MON1A: variants seen among roughly 807,000 people sequenced by gnomAD.
MON1A encodes vacuolar fusion protein MON1 homolog A.
A neutral mutation model predicts 44.6 loss-of-function variants in MON1A; 29 were observed. The ratio of observed to expected loss-of-function variants is 0.65; its 90% CI spans 0.48 to 0.89. The LOEUF (loss-of-function observed/expected upper bound fraction) is 0.89. MON1A is among the 40% of genes least tolerant of loss of function. The pLI, the probability that MON1A is intolerant of heterozygous loss-of-function variation, is 0.00. For synonymous variants in MON1A, 275 were observed against 316.4 expected (o/e 0.87, Z 1.39); for missense variants, 615 against 759.6 (o/e 0.81, Z 2.24).
chr3:49,924,604 G>C (rs904526097), intron 1 of MON1A: 1 of 206,994 alleles, frequency 4.8e-6, no homozygotes, highest in South Asian at 4.6e-5. Context: ...ACTTGAACCC[G>C]GGGGGAGGCA....
intron 1 of MON1A, among the ~76,000 whole-genome samples, chr3:49,919,255 G>A (rs1214710465): frequency 2.0e-5 from 3 of 152,068 alleles, no homozygotes; most frequent in Non-Finnish European, 2.9e-5. Flanking sequence ...TATGATTTGT[G>A]AACTTTTCTA....
chr3:49,929,507 G>A (rs888942192), intron 1 of MON1A, 102 bp downstream of exon 1: 1 of 1,340,622 alleles, frequency 7.5e-7, no homozygotes, highest in African/African-American at 1.5e-5. Flanking sequence ...AAACGATAGC[G>A]TTGATGGCTG....
intron 1 of MON1A, among the ~76,000 whole-genome samples, chr3:49,928,756 G>T (rs2083071481): frequency 6.6e-6 from 1 of 152,212 alleles, no homozygotes; most frequent in African/African-American, 2.4e-5. Context: ...GGCTGCTTCA[G>T]CAGGATGCCT....
Position 49,911,878 on chromosome 3 carries a change from C to T in MON1A, c.261G>A (p.Met87Ile). ...CGCTAAAGTCCTGGCTGATCTGGCGCATGTCTGTAGGCAGCGGCGGGGGAC... is the reference window on the plus strand; with the variant it reads ...CGCTAAAGTCCTGGCTGATCTGGCGTATGTCTGTAGGCAGCGGCGGGGGAC... ...TRGPPPLPTDMRQISQDFSEL... is the reference protein window; with the variant it reads ...TRGPPPLPTDIRQISQDFSEL... Residue 87 changes from methionine (M) to isoleucine (I), a missense_variant, in exon 3 of 6, where the codon ATG becomes ATA. Transcript: ENST00000296473. The surrounding 1 kb of genome is among the most constrained non-coding windows in gnomAD (Gnocchi z 5.7). The T allele has an allele frequency of 6.2e-7, 1 of 1,614,140 alleles. No individual in the cohort carries two copies. The highest frequency in any genetic ancestry group is 8.5e-7 in the Non-Finnish European group (1 of 1,180,006).
At position 49,910,753 on chromosome 3, in the gene MON1A, C is replaced by G. The variant is rs138516377; in HGVS notation, c.745G>C (p.Gly249Arg). The change falls in exon 4 of 6, where the codon GGT becomes CGT. Residue 249 changes from glycine (G) to arginine (R), a missense_variant. By Grantham distance (125) the Gly-to-Arg change is moderately radical. Transcript: ENST00000296473. The surrounding 1 kb of genome is among the most constrained non-coding windows in gnomAD (Gnocchi z 8.0). Reference sequence around the variant, plus strand: ...TGGAAGATGTGGCTCAGCTGCGCACCGGTAAGAAGGCTTAGGATCTGGTAG... The same window carrying G: ...TGGAAGATGTGGCTCAGCTGCGCACGGGTAAGAAGGCTTAGGATCTGGTAG... ...IYYQILSLLT[G>R]AQLSHIFQQK... The G allele has an allele frequency of 6.2e-7, 1 of 1,614,008 alleles. No homozygotes were observed. Among genetic ancestry groups the G allele is most frequent in the Non-Finnish European group, 8.5e-7 (1 of 1,180,018 alleles).
In MON1A at chr3:49,911,432, A is replaced by G. The variant is rs1478086535; in HGVS notation, c.613+94T>C. The G allele has an allele frequency of 4.7e-6, 7 of 1,495,338 alleles. No homozygotes were observed. Among genetic ancestry groups the G allele is most frequent in the Non-Finnish European group, 6.2e-6 (7 of 1,122,084 alleles). 92.6% of individuals were successfully genotyped at this position (1,495,338 alleles called of 1,614,324 possible). On this transcript the variant is annotated intron_variant, in intron 3 of 5. Transcript: ENST00000296473. This position sits in a 1 kb window ranked among gnomAD's most constrained non-coding sequence, Gnocchi z 5.7. ...AGGGACTTACCCTCAGTCACACAGC[A>G]CATCCCAGCCCTCTGGTCTGCAGGG...
chr3:49,917,754 G>T (rs1461448214), intron 1 of MON1A, among the ~76,000 whole-genome samples: 1 of 151,896 alleles, frequency 6.6e-6, no homozygotes, highest in Non-Finnish European at 1.5e-5. Flanking sequence ...GTCGTTAGAA[G>T]AGAACTTCCG....
In MON1A at chr3:49,910,177, C is replaced by T; in HGVS notation, c.1321G>A (p.Gly441Ser). Reference protein sequence around the residue: ...RTPYYSVAQVGIPDLRHFLYK... With the variant: ...RTPYYSVAQVSIPDLRHFLYK... ...AGGAAGTGACGCAGGTCAGGGATGC[C>T]CACTTGGGCAACGCTGTAGTAGGGT... is the stretch of plus-strand genomic sequence containing the variant. Residue 441 changes from glycine (G) to serine (S), a missense_variant, in exon 4 of 6, where the codon GGC (glycine) becomes AGC (serine). Gly to Ser is a moderately conservative substitution (Grantham distance 56). Transcript: ENST00000296473. This position sits in a 1 kb window ranked among gnomAD's most constrained non-coding sequence, Gnocchi z 8.0. 1 of 1,611,822 alleles carries T rather than the reference C, an allele frequency of 6.2e-7. No individual in the cohort carries two copies. Among genetic ancestry groups the T allele is most frequent in the Non-Finnish European group, 8.5e-7 (1 of 1,178,140 alleles).
intron 1 of MON1A, among the ~76,000 whole-genome samples, chr3:49,927,993 C>T (rs1158690984): frequency 6.6e-6 from 1 of 152,140 alleles, no homozygotes; most frequent in African/African-American, 2.4e-5. Flanking sequence ...AAGACCCAAA[C>T]AAGGTCTACA....
intron 1 of MON1A, among the ~76,000 whole-genome samples, chr3:49,916,192 C>T (rs1162317024): frequency 6.6e-6 from 1 of 152,182 alleles, no homozygotes; most frequent in Admixed American, 6.5e-5. Flanking sequence ...GCAAATGACT[C>T]TTCCCTGGAA....
rs201685649 is a variant in MON1A, at chr3:49,923,468, C to CTT, written c.-14+6139_-14+6140dup. ...GGGAAGAACGAAAGAAAGACAAGCTCTTTTTTTTTTTTTTTTGAGACAGTC... is the reference window on the plus strand; with the variant it reads ...GGGAAGAACGAAAGAAAGACAAGCTCTTTTTTTTTTTTTTTTTTGAGACAGTC... On this transcript the variant is annotated intron_variant, in intron 1 of 5. Coordinates refer to ENST00000296473, the MANE Select transcript of MON1A (RefSeq NM_032355.4). 3.7e-3 allele frequency among the ~76,000 whole-genome samples: 506 copies of CTT among 135,514 alleles called. 6 individuals are homozygous for CTT. The highest frequency in any genetic ancestry group is 0.013 in the African/African-American group (480 of 36,910). 88.9% of individuals were successfully genotyped at this position (135,514 alleles called of 152,430 possible).
Position 49,909,110 on chromosome 3 carries a change from C to A in MON1A, c.1572G>T (p.Gly524=), listed in dbSNP as rs749387290. 3.1e-6 allele frequency: 5 copies of A among 1,613,366 alleles called. No individual in the cohort carries two copies. Among genetic ancestry groups the A allele is most frequent in the Non-Finnish European group, 4.2e-6 (5 of 1,179,526 alleles). The part of the protein sequence containing the change: ...FELYMCYSPL[G]TKASAVSAIH... ...TGGCACTGACGGCTGACGCCTTGGTCCCCAGGGGGCTGTAACACATGTAGA... is the reference window on the plus strand; with the variant it reads ...TGGCACTGACGGCTGACGCCTTGGTACCCAGGGGGCTGTAACACATGTAGA... Residue 524 remains glycine, a synonymous_variant, in exon 6 of 6, where the codon GGG becomes GGT. Transcript: ENST00000296473. The surrounding 1 kb of genome is among the most constrained non-coding windows in gnomAD (Gnocchi z 4.0).
chr3:49,913,191 G>C lies in MON1A; in HGVS notation c.127+29C>G, dbSNP rs183856821. The C allele has an allele frequency of 1.4e-5, 23 of 1,614,060 alleles. No homozygotes were observed. The Admixed American group carries it at 3.8e-4, about 27-fold the overall frequency. ...CCCCTGGAGACTGCTCTGGTTGGCA[G>C]CTGGCTGAGGCTGTACACTTGCCCA... On this transcript the variant is annotated intron_variant, in intron 2 of 5. Transcript: ENST00000296473.
intron 2 of MON1A, chr3:49,912,643 C>G (rs1318945756): frequency 5.1e-6 from 1 of 197,016 alleles, no homozygotes; most frequent in East Asian, 1.3e-4. Flanking sequence ...CCTACTCAGG[C>G]CATAGCTCCT....
intron 1 of MON1A, among the ~76,000 whole-genome samples, chr3:49,920,154 C>T (rs912155116): frequency 6.6e-6 from 1 of 152,224 alleles, no homozygotes; most frequent in Admixed American, 6.5e-5. Flanking sequence ...CTGCTCCCAT[C>T]AAGGTCACCA....
chr3:49,923,798 G>C (rs2083025557), intron 1 of MON1A, among the ~76,000 whole-genome samples: 1 of 151,440 alleles, frequency 6.6e-6, no homozygotes, highest in African/African-American at 2.4e-5. Flanking sequence ...AAACCTTGGA[G>C]TCGGCCGGGC....
intron 1 of MON1A, chr3:49,915,995 A>T (rs888810220): frequency 3.3e-5 from 5 of 152,212 alleles, no homozygotes; most frequent in African/African-American, 1.2e-4. Context: ...CCAATCCTTT[A>T]AGAAAGAGGG....
Position 49,911,675 on chromosome 3 carries a change from T to C in MON1A, c.464A>G (p.Gln155Arg). The C allele has an allele frequency of 6.2e-7, 1 of 1,614,178 alleles. No homozygotes were observed. The highest frequency in any genetic ancestry group is 2.2e-5 in the East Asian group (1 of 44,886). ...CTCACTCAGCACAAAGACATGCTTC[T>C]GGTGCAGGCGCCATGCCTCCGTGGC... Reference protein sequence around the residue: ...EDATEAWRLHQKHVFVLSEAG... With the variant: ...EDATEAWRLHRKHVFVLSEAG... The change falls in exon 3 of 6, where the codon CAG (glutamine) becomes CGG (arginine). Residue 155 changes from glutamine to arginine, a missense_variant. By Grantham distance (43) the Gln-to-Arg change is conservative. Transcript: ENST00000296473. The surrounding 1 kb of genome is among the most constrained non-coding windows in gnomAD (Gnocchi z 5.7).
In MON1A at chr3:49,911,525, C is replaced by A; in HGVS notation, c.613+1G>T. ...CCCCATTCCCTCTCCAGGTGGCTCA[C>A]CTGCATGGATGGAGCGGATGGCGTT... On this transcript the variant is annotated splice_donor_variant, in intron 3 of 5. Coordinates refer to ENST00000296473, the MANE Select transcript of MON1A (RefSeq NM_032355.4). LOFTEE classifies it high-confidence loss of function. The surrounding 1 kb of genome is among the most constrained non-coding windows in gnomAD (Gnocchi z 5.7). 6.2e-7 allele frequency: 1 copy of A among 1,604,556 alleles called. No homozygotes were observed. The highest frequency in any genetic ancestry group is 8.5e-7 in the Non-Finnish European group (1 of 1,174,196).
Sources: gnomAD v4.1 joint callset for allele counts (sites outside exome capture counted in the v4.1 genomes callset) on GRCh38, gnomAD v4.1.1 for gene constraint, Gnocchi (gnomAD v3.1) non-coding constraint, MANE v1.5 for transcripts, NCBI Gene and HGNC (gene_info 2026-07-23, HGNC 2026-07-21) for gene names.